The following SGMS1 variants were observed in gnomAD, a reference collection of about 807,000 sequenced individuals.
The protein encoded by SGMS1 is phosphatidylcholine:ceramide cholinephosphotransferase 1.
In SGMS1, 13 loss-of-function variants were observed where a neutral mutation model predicts 46.2. The observed-to-expected ratio is 0.28, with a 90% CI of 0.18 to 0.45. The LOEUF is 0.45. Among genes scored for constraint, SGMS1 ranks in the 20% least tolerant of loss-of-function variants. SGMS1 has a pLI of 1.00. For synonymous variants in SGMS1, 203 were observed against 187.8 expected (o/e 1.08, Z -0.66); for missense variants, 324 against 519.9 (o/e 0.62, Z 3.66).
chr10:50,469,009 C>A (rs1837355753), intron 3 of SGMS1, among the ~76,000 whole-genome samples: 1 of 152,050 alleles, frequency 6.6e-6, no homozygotes, highest in Non-Finnish European at 1.5e-5. Flanking sequence ...GCTTAGAATC[C>A]CCAACTTAAC....
intron 3 of SGMS1, among the ~76,000 whole-genome samples, chr10:50,487,985 T>TTTTATTTATTTA (rs3054268): frequency 7.2e-4 from 100 of 139,034 alleles, no homozygotes; most frequent in African/African-American, 8.7e-4. Flanking sequence ...TTTGTTTTTA[T>TTTTATTTATTTA]TTTATTTATT....
chr10:50,398,175 C>T (rs7477280), intron 6 of SGMS1, among the ~76,000 whole-genome samples: 17,824 of 152,018 alleles, frequency 0.12, 1,186 homozygotes, highest in Middle Eastern at 0.21. Context: ...AAGTAGAGGT[C>T]TTCAGAAAAC....
intron 6 of SGMS1, among the ~76,000 whole-genome samples, chr10:50,424,822 G>A (rs1391727257): frequency 6.7e-6 from 1 of 149,332 alleles, no homozygotes; most frequent in Non-Finnish European, 1.5e-5. Context: ...TGAGGCAGGA[G>A]AATCACTTGA....
chr10:50,448,182 A>G (rs1476247360), intron 5 of SGMS1, among the ~76,000 whole-genome samples: 1 of 152,104 alleles, frequency 6.6e-6, no homozygotes, highest in Non-Finnish European at 1.5e-5. Flanking sequence ...CAAGAGGTGG[A>G]TGGAGGCTGT....
chr10:50,533,530 G>A (rs537681968), intron 2 of SGMS1, among the ~76,000 whole-genome samples: 64 of 152,240 alleles, frequency 4.2e-4, no homozygotes, highest in African/African-American at 1.4e-3. Flanking sequence ...ATAGGAACTT[G>A]AAAATAAGAA....
At chr10:50,414,420 T>C (rs1564906907) in intron 6 of SGMS1, among the ~76,000 whole-genome samples, 1 of 152,138 alleles carries the variant, frequency 6.6e-6, no homozygotes, top group African/African-American at 2.4e-5. Context: ...TTTACCACAT[T>C]CTGGATATGT....
chr10:50,364,983 G>A (rs1465380706), intron 6 of SGMS1, among the ~76,000 whole-genome samples: 1 of 152,026 alleles, frequency 6.6e-6, no homozygotes, highest in East Asian at 1.9e-4. Context: ...AAGCAACTAG[G>A]CTGAGCATGG....
intron 2 of SGMS1, among the ~76,000 whole-genome samples, chr10:50,588,713 C>T (rs541698262): frequency 1.3e-4 from 19 of 146,446 alleles, no homozygotes; most frequent in Non-Finnish European, 1.9e-4. Flanking sequence ...AGCACAGAGA[C>T]TGATCTAATT....
At chr10:50,489,540 G>A (rs1396006683) in intron 3 of SGMS1, among the ~76,000 whole-genome samples, 1 of 152,208 alleles carries the variant, frequency 6.6e-6, no homozygotes, top group African/African-American at 2.4e-5. Flanking sequence ...GTATAAAACT[G>A]CTTAAGGGAA....
At position 50,336,027 on chromosome 10, in the gene SGMS1, A is replaced by G. The variant is rs1451239936; in HGVS notation, c.623+7465T>C. The G allele has an allele frequency of 2.6e-5, 4 of 152,196 alleles. No individual in the cohort carries two copies. In the East Asian group the frequency reaches 7.7e-4, roughly 29 times the overall value. The allele number at this position is 152,196 out of a possible 1,614,324, so 9.4% of individuals were successfully genotyped here. ...ATTAGAAAAGGTAGAAGCAAAGAAG[A>G]CCACCAGTTCACCAACATGAGAATG... On this transcript the variant is annotated intron_variant, in intron 7 of 10. Coordinates refer to ENST00000361781, the MANE Select transcript of SGMS1 (RefSeq NM_147156.4).
rs767455641 is a variant in SGMS1 at position 50,344,097 on chromosome 10, A to G, written c.18T>C (p.Tyr6=). 1 of 1,610,112 alleles carries G rather than the reference A, an allele frequency of 6.2e-7. No homozygotes were observed. The highest frequency in any genetic ancestry group is 8.5e-7 in the Non-Finnish European group (1 of 1,177,994). ...AGTCTGCCACCTTCTTGGGTGACCA[A>G]TAAACCACTTCCTTCATTGTACTGG... MKEVV[Y]WSPKKVADWL... is the part of the protein sequence containing the mutation. Residue 6 remains tyrosine (Y), a synonymous_variant, in exon 7 of 11, where the codon TAT becomes TAC. Coordinates refer to ENST00000361781, the MANE Select transcript of SGMS1 (RefSeq NM_147156.4).
At chr10:50,390,943 A>C (rs1310964561) in intron 6 of SGMS1, among the ~76,000 whole-genome samples, 1 of 152,172 alleles carries the variant, frequency 6.6e-6, no homozygotes, top group East Asian at 1.9e-4. Context: ...GGAGAGGTAG[A>C]AACCAAAGTC....
intron 6 of SGMS1, among the ~76,000 whole-genome samples, chr10:50,395,011 G>A (rs1436589347): frequency 9.9e-5 from 15 of 152,136 alleles, no homozygotes; most frequent in Admixed American, 9.8e-4. Context: ...AACAGGAAGA[G>A]CTTGGCAGGA....
chr10:50,452,281 C>T (rs981312747), intron 5 of SGMS1, among the ~76,000 whole-genome samples: 2 of 152,124 alleles, frequency 1.3e-5, no homozygotes, highest in Non-Finnish European at 2.9e-5. Context: ...AGGGGTTATT[C>T]TCCACCTCAC....
At chr10:50,395,187 T>C (rs1450245055) in intron 6 of SGMS1, among the ~76,000 whole-genome samples, 2 of 152,316 alleles carry the variant, frequency 1.3e-5, no homozygotes, top group East Asian at 3.9e-4. Context: ...AACACCTTCA[T>C]GGTCGCTGTT....
chr10:50,534,194 T>C (rs1032514337), intron 2 of SGMS1, among the ~76,000 whole-genome samples: 17 of 152,064 alleles, frequency 1.1e-4, no homozygotes, highest in Admixed American at 7.2e-4. Flanking sequence ...TGGGTACTTA[T>C]AGGGATGGAA....
At chr10:50,592,874 T>C (rs1030834762) in intron 1 of SGMS1, among the ~76,000 whole-genome samples, 1 of 127,240 alleles carries the variant, frequency 7.9e-6, no homozygotes, top group African/African-American at 2.6e-5. Context: ...TGAAATATAC[T>C]ATATTTAAAA....
intron 6 of SGMS1, among the ~76,000 whole-genome samples, chr10:50,397,047 T>G (rs1848857750): frequency 6.6e-6 from 1 of 152,064 alleles, no homozygotes; most frequent in Admixed American, 6.5e-5. Context: ...TAATGTGCAG[T>G]AAGATCAAAA....
At chr10:50,384,468 C>T (rs1848653069) in intron 6 of SGMS1, among the ~76,000 whole-genome samples, 1 of 150,860 alleles carries the variant, frequency 6.6e-6, no homozygotes, top group African/African-American at 2.4e-5. Flanking sequence ...TTCCTTCCTT[C>T]CTTCCCTCCT....
Sources: allele counts gnomAD v4.1 joint callset (sites outside exome capture counted in the v4.1 genomes callset), GRCh38; gene constraint gnomAD v4.1.1; transcripts MANE v1.5; gene names NCBI Gene and HGNC (gene_info 2026-07-23, HGNC 2026-07-21).